L1TD1: variants seen among roughly 807,000 people sequenced by gnomAD.
L1TD1 encodes the protein LINE-1 type transposase domain-containing protein 1.
Under a neutral mutation model 25.7 loss-of-function variants are expected in L1TD1, and 26 were observed. That is an observed-to-expected ratio of 1.01 (90% CI 0.74 to 1.40). The LOEUF (loss-of-function observed/expected upper bound fraction) is 1.40, where lower values mean the gene tolerates loss of function less well. Ranked by LOEUF, L1TD1 falls within the 40% of genes most tolerant of loss-of-function variation. The pLI is 0.00. For synonymous variants in L1TD1, 421 were observed against 335.6 expected (o/e 1.25, Z -2.78); for missense variants, 1,130 against 975.0 (o/e 1.16, Z -2.12).
Position 62,211,425 on chromosome 1 carries a change from A to G in L1TD1, c.*53A>G, listed in dbSNP as rs895331348. On this transcript the variant is annotated 3_prime_UTR_variant, in exon 4 of 4. Transcript: ENST00000498273. ...CTTTCCTCCCCCAGCATGCATCCAA[A>G]AATCAACAAGTAAAACGAAAATACA... is the stretch of plus-strand genomic sequence containing the variant. 28 of 1,521,646 alleles carry G rather than the reference A, an allele frequency of 1.8e-5. No homozygotes were observed. The East Asian group carries it at 6.1e-4, about 33-fold the overall frequency. 94.3% of individuals were successfully genotyped at this position (1,521,646 alleles called of 1,614,324 possible).
intron 3 of L1TD1, 43 bp downstream of exon 3, chr1:62,207,679 T>G: frequency 6.9e-7 from 1 of 1,455,240 alleles, no homozygotes; most frequent in South Asian, 1.5e-5. Context: ...TATGTATAAA[T>G]GTAATAGTAG....
At chr1:62,203,892 A>G (rs973482368) in intron 2 of L1TD1, among the ~76,000 whole-genome samples, 16 of 151,760 alleles carry the variant, frequency 1.1e-4, no homozygotes, top group Non-Finnish European at 5.9e-5. Flanking sequence ...GCCTCTGCTA[A>G]TTTTTGTATT....
chr1:62,209,742 A>T (rs1670819391), intron 3 of L1TD1, 41 bp from the exon 4 acceptor site: 1 of 1,381,344 alleles, frequency 7.2e-7, no homozygotes, highest in Non-Finnish European at 9.8e-7. Flanking sequence ...CAAATGATTT[A>T]AACAAATAAC....
intron 2 of L1TD1, among the ~76,000 whole-genome samples, chr1:62,199,957 A>G (rs551141192): frequency 2.6e-5 from 4 of 152,112 alleles, no homozygotes; most frequent in Non-Finnish European, 5.9e-5. Context: ...TACTGTACAT[A>G]TGGTTTTTGT....
intron 2 of L1TD1, among the ~76,000 whole-genome samples, chr1:62,197,397 T>TTTTATATATATATATATATA (rs1269544269): frequency 9.9e-5 from 8 of 80,818 alleles, no homozygotes; most frequent in East Asian, 8.5e-4. Flanking sequence ...AAAAAATAAA[T>TTTTATATATATATATATATA]TATATATATA....
At position 62,211,692 on chromosome 1, in the gene L1TD1, A is replaced by G. The variant is rs1450657044; in HGVS notation, c.*320A>G. On this transcript the variant is annotated 3_prime_UTR_variant, in exon 4 of 4. Coordinates refer to ENST00000498273, the MANE Select transcript of L1TD1 (RefSeq NM_019079.5). ...TAGAATTTATATTATCTGGCTGGGC[A>G]CGGTGGCTCACACCTGTAATCCCAG... 7 of 203,382 alleles carry G rather than the reference A, an allele frequency of 3.4e-5. 1 individual carries two copies. The highest frequency in any genetic ancestry group is 3.0e-4 in the South Asian group (3 of 9,848). 12.6% of individuals were successfully genotyped at this position (203,382 alleles called of 1,614,324 possible). A position where few individuals can be genotyped will look rare whatever the true frequency, so the allele number is the denominator to read the frequency against.
At chr1:62,197,731 C>G (rs1016376894) in intron 2 of L1TD1, among the ~76,000 whole-genome samples, 3 of 151,888 alleles carry the variant, frequency 2.0e-5, no homozygotes, top group African/African-American at 7.3e-5. Context: ...CAAAAATTAG[C>G]TGGGTGCAGT....
chr1:62,196,052 T>C (rs990368795), intron 1 of L1TD1, among the ~76,000 whole-genome samples: 1 of 151,076 alleles, frequency 6.6e-6, no homozygotes, highest in African/African-American at 2.4e-5. Context: ...AAAAAAAAAG[T>C]GTTTAATTAT....
chr1:62,211,793 G>C lies in L1TD1; in HGVS notation c.*421G>C, dbSNP rs1426546553. 1 of 151,000 alleles carries C rather than the reference G, an allele frequency of 6.6e-6. No individual in the cohort carries two copies. Among genetic ancestry groups the C allele is most frequent in the East Asian group, 1.9e-4 (1 of 5,168 alleles). The allele number at this position is 151,000 out of a possible 1,614,324, so 9.4% of individuals were successfully genotyped here. A position where few individuals can be genotyped will look rare whatever the true frequency, so the allele number is the denominator to read the frequency against. On this transcript the variant is annotated 3_prime_UTR_variant, in exon 4 of 4. Transcript: ENST00000498273. ...ATCCTGGCTAACACAGTGAAACCCC[G>C]TCTCTACTAAAAATAAAAAAAATTA...
chr1:62,199,480 A>G (rs1293772157), intron 2 of L1TD1, among the ~76,000 whole-genome samples: 1 of 148,602 alleles, frequency 6.7e-6, no homozygotes, highest in Non-Finnish European at 1.5e-5. Context: ...CCTAATCCAC[A>G]GAGTGAGACT....
At chr1:62,208,899 A>G (rs1490649657) in intron 3 of L1TD1, among the ~76,000 whole-genome samples, 1 of 152,248 alleles carries the variant, frequency 6.6e-6, no homozygotes, top group African/African-American at 2.4e-5. Context: ...GAAAAGGTAC[A>G]CTTGAATCAA....
intron 3 of L1TD1, among the ~76,000 whole-genome samples, chr1:62,208,629 C>T (rs913321472): frequency 6.6e-6 from 1 of 152,018 alleles, no homozygotes; most frequent in African/African-American, 2.4e-5. Flanking sequence ...CATGCATGCA[C>T]TACCACACCC....
At chr1:62,204,305 C>T (rs1454853318) in intron 2 of L1TD1, among the ~76,000 whole-genome samples, 2 of 151,936 alleles carry the variant, frequency 1.3e-5, no homozygotes, top group Non-Finnish European at 2.9e-5. Flanking sequence ...AATTTTTATT[C>T]TTTCTAGAAA....
rs1188931375 is a variant in L1TD1 at position 62,212,247 on chromosome 1, A to G, written c.*875A>G. 2.6e-5 allele frequency: 4 copies of G among 152,170 alleles called. No individual in the cohort carries two copies. Among genetic ancestry groups the G allele is most frequent in the East Asian group, 1.9e-4 (1 of 5,180 alleles). 9.4% of individuals were successfully genotyped at this position (152,170 alleles called of 1,614,324 possible). ...GCGAAAGTGTCTACAAAAAAATACA[A>G]AAAGAGGAAGAAATGATATTTCACA... On this transcript the variant is annotated 3_prime_UTR_variant, in exon 4 of 4. Transcript: ENST00000498273.
chr1:62,199,002 C>T (rs1186279580), intron 2 of L1TD1, among the ~76,000 whole-genome samples: 1 of 152,112 alleles, frequency 6.6e-6, no homozygotes. Flanking sequence ...GACGTCTGGT[C>T]CCTGAGCCCT....
chr1:62,203,460 C>CG (rs1447425711), intron 2 of L1TD1, among the ~76,000 whole-genome samples: 1 of 152,028 alleles, frequency 6.6e-6, no homozygotes, highest in East Asian at 1.9e-4. Context: ...CTCACTCTGT[C>CG]GCCCGGTACA....
rs1297750882 is a variant in L1TD1, at chr1:62,205,439, A to ATTTTTTTTTTTTTTTTTTT, written c.-110-1079_-110-1078insTTTTTTTTTTTTTTTTTTT. On this transcript the variant is annotated intron_variant, in intron 2 of 3. Transcript: ENST00000498273. ...TCTCTATATATATATATATATATAT[A>ATTTTTTTTTTTTTTTTTTT]TATATTTTTTTTTAGACAGTCTTGC... 9.7e-4 allele frequency among the ~76,000 whole-genome samples: 43 copies of ATTTTTTTTTTTTTTTTTTT among 44,196 alleles called. 4 individuals carry two copies. Among genetic ancestry groups the ATTTTTTTTTTTTTTTTTTT allele is most frequent in the Non-Finnish European group, 1.3e-3 (30 of 23,178 alleles). 29.0% of individuals were successfully genotyped at this position (44,196 alleles called of 152,430 possible). A position where few individuals can be genotyped will look rare whatever the true frequency, so the allele number is the denominator to read the frequency against.
chr1:62,204,805 C>T (rs187012015), intron 2 of L1TD1, among the ~76,000 whole-genome samples: 142 of 152,164 alleles, frequency 9.3e-4, no homozygotes, highest in African/African-American at 3.3e-3. Flanking sequence ...GACAGGGTCT[C>T]ACACTGTCAC....
In L1TD1 at chr1:62,210,877, C is replaced by G. The variant is rs1313813156; in HGVS notation, c.2103C>G (p.Asn701Lys). ...TAGAGGAGAGATCTAGAAGTTGCAACATTCGTTTGATAGGAATTCCAGAAA... is the reference window on the plus strand; with the variant it reads ...TAGAGGAGAGATCTAGAAGTTGCAAGATTCGTTTGATAGGAATTCCAGAAA... ...RDIEERSRSC[N>K]IRLIGIPEKE... Residue 701 changes from asparagine (N) to lysine (K), a missense_variant, in exon 4 of 4, where the codon AAC becomes AAG. Coordinates refer to ENST00000498273, the MANE Select transcript of L1TD1 (RefSeq NM_019079.5). The G allele has an allele frequency of 6.4e-7, 1 of 1,551,220 alleles. No homozygotes were observed. Among genetic ancestry groups the G allele is most frequent in the Non-Finnish European group, 8.7e-7 (1 of 1,146,922 alleles).
Sources: gnomAD v4.1 joint callset for allele counts (sites outside exome capture counted in the v4.1 genomes callset) on GRCh38, gnomAD v4.1.1 for gene constraint, MANE v1.5 for transcripts, NCBI Gene and HGNC (gene_info 2026-07-23, HGNC 2026-07-21) for gene names.